Variants in SLC4A5 observed in about 807,000 individuals in gnomAD.
The protein encoded by SLC4A5 is electrogenic sodium bicarbonate cotransporter 4.
Under a neutral mutation model 120.4 loss-of-function variants are expected in SLC4A5, and 96 were observed. That is an observed-to-expected ratio of 0.80 (90% CI 0.68 to 0.94). The LOEUF (loss-of-function observed/expected upper bound fraction) is 0.94, where lower values mean the gene tolerates loss of function less well. Among genes scored for constraint, SLC4A5 ranks in the 40% least tolerant of loss-of-function variants. The pLI, the probability that SLC4A5 is intolerant of heterozygous loss-of-function variation, is 0.00. For missense variants in SLC4A5, 1,259 were observed against 1,459.5 expected, an observed-to-expected ratio of 0.86 and a Z score of 2.24; for synonymous variants, 550 against 571.1, an observed-to-expected ratio of 0.96 and a Z score of 0.53.
chr2:74,293,193 T>C (rs1362851347), intron 7 of SLC4A5, among the ~76,000 whole-genome samples: 1 of 152,190 alleles, frequency 6.6e-6, no homozygotes, highest in Non-Finnish European at 1.5e-5. Flanking sequence ...TTGGAGGCCC[T>C]GAGTCCTAGT....
intron 11 of SLC4A5, 84 bp downstream of exon 11, chr2:74,262,053 C>T: frequency 7.8e-7 from 1 of 1,274,530 alleles, no homozygotes. Flanking sequence ...TGGGCTTTGT[C>T]TCCCCCACCT....
In SLC4A5 at chr2:74,265,255, CTT is replaced by C; in HGVS notation, c.409_410del (p.Lys137ValfsTer2). The C allele has an allele frequency of 6.2e-7, 1 of 1,613,974 alleles. No individual in the cohort carries two copies. ...CGCCTTCCTCTACCTTTTCTTCAAA[CTT>C]TATCCACCTGGAAGGGTAAGGATGG... is the stretch of plus-strand genomic sequence containing the variant. On this transcript the variant is annotated frameshift_variant, in exon 9 of 31. Coordinates refer to ENST00000394019, the Ensembl canonical transcript of SLC4A5. LOFTEE classifies it high-confidence loss of function.
Position 74,269,376 on chromosome 2 carries a change from TTTTTTG to T in SLC4A5, c.402-4118_402-4113del, listed in dbSNP as rs1558887238. ...GCCTGCCACCAGGCCCGGCTGTTTG[TTTTTTG>T]TTTGTTTGTTTGTTTGTTTGTTTGT... On this transcript the variant is annotated intron_variant, in intron 8 of 30. Coordinates refer to ENST00000394019, the Ensembl canonical transcript of SLC4A5. Among the ~76,000 whole-genome samples, 22 of 127,230 alleles carry T rather than the reference TTTTTTG, an allele frequency of 1.7e-4. No homozygotes were observed. In the East Asian group the frequency reaches 7.3e-3, roughly 42 times the overall value. The allele number at this position is 127,230 out of a possible 152,430, so 83.5% of individuals were successfully genotyped here.
chr2:74,305,721 CTTT>C (rs35627197), intron 6 of SLC4A5, among the ~76,000 whole-genome samples: 3 of 115,338 alleles, frequency 2.6e-5, no homozygotes, highest in African/African-American at 4.2e-5. Context: ...CTTTTCTTTC[CTTT>C]TTTTTTTTTT....
chr2:74,226,073 C>A (rs765268540), intron 27 of SLC4A5, among the ~76,000 whole-genome samples: 66 of 152,198 alleles, frequency 4.3e-4, no homozygotes, highest in Non-Finnish European at 8.1e-4. Flanking sequence ...AGTGGGGGTT[C>A]TCAACCCTGG....
At chr2:74,234,271 C>T (rs1434430735) in intron 22 of SLC4A5, among the ~76,000 whole-genome samples, 1 of 151,836 alleles carries the variant, frequency 6.6e-6, no homozygotes, top group African/African-American at 2.4e-5. Flanking sequence ...CTCTGCCTCC[C>T]GGATTCACGC....
Position 74,236,977 on chromosome 2 carries a change from AT to A in SLC4A5, c.2320-1764del, listed in dbSNP as rs33959548. Among the ~76,000 whole-genome samples, 177 of 140,082 alleles carry A rather than the reference AT, an allele frequency of 1.3e-3. 1 individual carries two copies. The highest frequency in any genetic ancestry group is 7.2e-3 in the Middle Eastern group (2 of 278). 91.9% of individuals were successfully genotyped at this position (140,082 alleles called of 152,430 possible). Reference sequence around the variant, plus strand: ...GGAAATTCCAGAAGGCAACTGAGCAATTTTTTTTTTTTTTTTTGAGACAGAG... The same window carrying A: ...GGAAATTCCAGAAGGCAACTGAGCAATTTTTTTTTTTTTTTTGAGACAGAG... On this transcript the variant is annotated intron_variant, in intron 21 of 30. Transcript: ENST00000394019.
At chr2:74,285,685 C>G in intron 8 of SLC4A5, 88 bp downstream of exon 8, 3 of 1,520,882 alleles carry the variant, frequency 2.0e-6, no homozygotes, top group Non-Finnish European at 2.7e-6. Flanking sequence ...TCTCAAGGTA[C>G]AAGGTGCCAC....
chr2:74,223,037 C>T lies in SLC4A5; in HGVS notation c.3247-85G>A, dbSNP rs957442634. The T allele has an allele frequency of 1.8e-5, 16 of 878,656 alleles. No individual in the cohort carries two copies. In the African/African-American group the frequency reaches 2.2e-4, roughly 12 times the overall value. 54.4% of individuals were successfully genotyped at this position (878,656 alleles called of 1,614,324 possible). A position where few individuals can be genotyped will look rare whatever the true frequency, so the allele number is the denominator to read the frequency against. ...TTTTTTTTTTTGAGACAGAGTCTCG[C>T]TCTACTGCCCAGGCTGGAGTGCAGT... On this transcript the variant is annotated intron_variant, in intron 28 of 30. Transcript: ENST00000394019.
chr2:74,265,242 C>A, exon 9 of SLC4A5: 1 of 1,614,182 alleles, frequency 6.2e-7, no homozygotes, highest in Non-Finnish European at 8.5e-7. Flanking sequence ...CCTTCCTCTA[C>A]CTTTTCTTCA....
chr2:74,326,839 G>A (rs1673227586), intron 5 of SLC4A5, among the ~76,000 whole-genome samples: 1 of 152,022 alleles, frequency 6.6e-6, no homozygotes, highest in South Asian at 2.1e-4. Flanking sequence ...TAAGACCAAG[G>A]ATCAGAGTGC....
intron 9 of SLC4A5, 40 bp from the exon 10 acceptor site, chr2:74,264,339 A>G (rs1444537352): frequency 6.3e-7 from 1 of 1,593,246 alleles, no homozygotes. Flanking sequence ...TGTGGGACAG[A>G]ACAGCTCCAG....
chr2:74,283,635 T>C (rs889784037), intron 8 of SLC4A5, among the ~76,000 whole-genome samples: 7 of 152,296 alleles, frequency 4.6e-5, no homozygotes, highest in South Asian at 4.1e-4. Flanking sequence ...CAGGCCATGG[T>C]TGGGGGCAGC....
rs1315496100 is a variant in SLC4A5 at position 74,265,098 on chromosome 2, C to A, written c.562+6G>T. On this transcript the variant is annotated splice_donor_region_variant and intron_variant, in intron 9 of 30. Transcript: ENST00000394019. ...GGAGAGATGCACACAGTGGCCCCTG[C>A]CTCACCTATGATCTGTGGTAAGGAG... is the stretch of plus-strand genomic sequence containing the variant. 1 of 1,611,020 alleles carries A rather than the reference C, an allele frequency of 6.2e-7. No homozygotes were observed. The highest frequency in any genetic ancestry group is 1.3e-5 in the African/African-American group (1 of 75,010).
chr2:74,306,937 G>A, intron 6 of SLC4A5: 1 of 613,082 alleles, frequency 1.6e-6, no homozygotes, highest in Non-Finnish European at 3.0e-6. Flanking sequence ...TTGTACTCCT[G>A]GGCCTGGCAC....
At chr2:74,217,400 T>C (rs1694478255) in exon 31 of SLC4A5, 1 of 152,228 alleles carries the variant, frequency 6.6e-6, no homozygotes, top group Admixed American at 6.5e-5. Context: ...GAAACTGGTT[T>C]TTATCTTCCC....
intron 10 of SLC4A5, among the ~76,000 whole-genome samples, chr2:74,262,515 C>T (rs1558884239): frequency 6.6e-6 from 1 of 151,840 alleles, no homozygotes; most frequent in Non-Finnish European, 1.5e-5. Context: ...GCCTGGCCAA[C>T]ATGGTGAAAC....
At chr2:74,246,294 G>T (rs1359798760) in intron 19 of SLC4A5, among the ~76,000 whole-genome samples, 4 of 152,128 alleles carry the variant, frequency 2.6e-5, no homozygotes, top group African/African-American at 9.7e-5. Context: ...CAAGTAACTT[G>T]CTACCAACCA....
rs1351414633 is a variant in SLC4A5, at chr2:74,255,541, C to A, written c.1025+234G>T. On this transcript the variant is annotated intron_variant, in intron 13 of 30. Coordinates refer to ENST00000394019, the Ensembl canonical transcript of SLC4A5. This position sits in a 1 kb window ranked among gnomAD's most constrained non-coding sequence, Gnocchi z 4.0. ...AACTCCTGACCTCATGATCTGCCCA[C>A]CTTGGCATCCCAAAGTGCTGGGATT... Among the ~76,000 whole-genome samples the A allele has an allele frequency of 1.3e-5, 2 of 152,218 alleles. No homozygotes were observed. Among genetic ancestry groups the A allele is most frequent in the Non-Finnish European group, 2.9e-5 (2 of 68,036 alleles).
Sources: gnomAD v4.1 joint callset for allele counts (sites outside exome capture counted in the v4.1 genomes callset) on GRCh38, gnomAD v4.1.1 for gene constraint, Gnocchi (gnomAD v3.1) non-coding constraint, MANE v1.5 for transcripts, NCBI Gene and HGNC (gene_info 2026-07-23, HGNC 2026-07-21) for gene names.